Variants in DNAH14 observed in about 807,000 individuals in gnomAD.
DNAH14 encodes axonemal beta dynein heavy chain 14.
DNAH14 carries 478 observed loss-of-function variants against 520.9 expected under a neutral mutation model. That is an observed-to-expected ratio of 0.92 (90% CI 0.85 to 0.99). DNAH14 has a LOEUF of 0.99. Among genes scored for constraint, DNAH14 ranks in the 50% least tolerant of loss-of-function variants. DNAH14 has a pLI of 0.00. For missense variants in DNAH14, 4,831 were observed against 5,234.5 expected (o/e 0.92, Z 2.38); for synonymous variants, 1,581 against 1,757.2 (o/e 0.90, Z 2.51).
At chr1:225,049,543 A>AT (rs755344423) in intron 15 of DNAH14, among the ~76,000 whole-genome samples, 1 of 152,026 alleles carries the variant, frequency 6.6e-6, no homozygotes, top group African/African-American at 2.4e-5. Context: ...CTTACTTTTG[A>AT]TAAAGTACAG....
In DNAH14 at chr1:225,175,368, G is replaced by C. The variant is rs74521302; in HGVS notation, c.5535+7340G>C. The stretch of plus-strand genomic sequence containing the variant: ...TTTCTTTTCTTCGTAATTCAATCTT[G>C]ATAAGTTGTATGTGTCCAGCAATAT... On this transcript the variant is annotated intron_variant, in intron 36 of 85. Coordinates refer to ENST00000682510, the MANE Select transcript of DNAH14 (RefSeq NM_001367479.1). 5.0e-3 allele frequency among the ~76,000 whole-genome samples: 760 copies of C among 152,144 alleles called. 6 individuals are homozygous for C. The highest frequency in any genetic ancestry group is 0.017 in the African/African-American group (717 of 41,522).
In DNAH14 at chr1:225,273,260, T is replaced by G. The variant is rs2093362017; in HGVS notation, c.8010+135T>G. 7 of 980,084 alleles carry G rather than the reference T, an allele frequency of 7.1e-6. No individual in the cohort carries two copies. In the South Asian group the frequency reaches 1.3e-4, roughly 18 times the overall value. 60.7% of individuals were successfully genotyped at this position (980,084 alleles called of 1,614,324 possible). A position where few individuals can be genotyped will look rare whatever the true frequency, so the allele number is the denominator to read the frequency against. The stretch of plus-strand genomic sequence containing the variant: ...ATCCTGGCTAACACGTGAAACCCCG[T>G]GTCTACTAAAAATACAAAAAAATTA... On this transcript the variant is annotated intron_variant, in intron 52 of 85. Coordinates refer to ENST00000682510, the MANE Select transcript of DNAH14 (RefSeq NM_001367479.1).
intron 71 of DNAH14, among the ~76,000 whole-genome samples, chr1:225,349,001 T>C (rs924613950): frequency 6.6e-6 from 1 of 152,100 alleles, no homozygotes; most frequent in Non-Finnish European, 1.5e-5. Context: ...TGAGACATAG[T>C]CTCACTGTCA....
chr1:225,335,589 A>ATGTATATACGCATACGTATATG (rs901097831), intron 66 of DNAH14, among the ~76,000 whole-genome samples: 2 of 149,044 alleles, frequency 1.3e-5, no homozygotes, highest in Non-Finnish European at 3.0e-5. Context: ...ATGTGCATAT[A>ATGTATATACGCATACGTATATG]TGTATATACG....
intron 72 of DNAH14, among the ~76,000 whole-genome samples, chr1:225,352,451 A>G (rs1398484881): frequency 6.6e-6 from 1 of 151,946 alleles, no homozygotes; most frequent in East Asian, 1.9e-4. Flanking sequence ...ATCCTTATAC[A>G]TTTTTCCTTT....
At chr1:225,018,593 C>G (rs778569285) in intron 10 of DNAH14, among the ~76,000 whole-genome samples, 9 of 152,128 alleles carry the variant, frequency 5.9e-5, no homozygotes, top group Non-Finnish European at 1.3e-4. Context: ...CCCCAAGACA[C>G]ATAGTCATCA....
intron 73 of DNAH14, chr1:225,357,772 A>G: frequency 1.4e-6 from 1 of 701,944 alleles, no homozygotes; most frequent in Non-Finnish European, 2.6e-6. Context: ...AAACAGGCAC[A>G]CTGACGTGTG....
chr1:225,091,993 G>A (rs2148663538), intron 21 of DNAH14, among the ~76,000 whole-genome samples: 1 of 152,148 alleles, frequency 6.6e-6, no homozygotes, highest in South Asian at 2.1e-4. Context: ...TTACATAATG[G>A]TAAAGGGTTC....
chr1:225,244,145 C>T (rs1460057420), intron 43 of DNAH14, among the ~76,000 whole-genome samples: 7 of 151,830 alleles, frequency 4.6e-5, no homozygotes, highest in East Asian at 1.9e-4. Flanking sequence ...TGATGGATTA[C>T]GTTTATTGAT....
rs1390573208 is a variant in DNAH14, at chr1:225,117,915, A to C, written c.4007A>C (p.Gln1336Pro). The C allele has an allele frequency of 1.3e-6, 2 of 1,551,012 alleles. No individual in the cohort carries two copies. Among genetic ancestry groups the C allele is most frequent in the East Asian group, 4.9e-5 (2 of 40,882 alleles). ...HLVKCFENIK[Q>P]LLIWKQDIGP... ...GTGAAATGCTTTGAAAATATAAAAC[A>C]ATTATTGATATGGAAACAAGACATT... Residue 1336 changes from glutamine to proline, a missense_variant, in exon 25 of 86, where the codon CAA becomes CCA. Gln to Pro is a moderately conservative substitution (Grantham distance 76). Coordinates refer to ENST00000682510, the MANE Select transcript of DNAH14 (RefSeq NM_001367479.1).
intron 1 of DNAH14, among the ~76,000 whole-genome samples, chr1:224,940,157 T>C (rs2059316539): frequency 6.6e-6 from 1 of 152,204 alleles, no homozygotes; most frequent in African/African-American, 2.4e-5. Context: ...CACATACTAT[T>C]CCATGTGGCT....
intron 15 of DNAH14, among the ~76,000 whole-genome samples, chr1:225,049,429 T>C (rs148183422): frequency 1.1e-3 from 172 of 152,290 alleles, no homozygotes; most frequent in African/African-American, 4.0e-3. Context: ...ATGCATACTC[T>C]GAATACAATT....
Position 225,380,236 on chromosome 1 carries a change from A to C in DNAH14, c.12794A>C (p.Lys4265Thr), listed in dbSNP as rs1475027356. 10 of 1,551,686 alleles carry C rather than the reference A, an allele frequency of 6.4e-6. No homozygotes were observed. The East Asian group carries it at 7.3e-5, about 11-fold the overall frequency. ...LLKRLPLTVE[K>T]EEIAVGTPST... ...AAGCGGCTGCCACTGACAGTGGAGA[A>C]AGAAGAAATTGCTGTTGGAACTCCA... is the stretch of plus-strand genomic sequence containing the variant. Residue 4265 changes from lysine to threonine, a missense_variant, in exon 80 of 86, where the codon AAA becomes ACA. Physicochemically the swap from Lys to Thr is moderately conservative, Grantham distance 78. Coordinates refer to ENST00000682510, the MANE Select transcript of DNAH14 (RefSeq NM_001367479.1).
In DNAH14 at chr1:225,232,932, A is replaced by G. The variant is rs182520151; in HGVS notation, c.6518+1781A>G. ...GTATTAAGCCCAGCATTCATTAGCT[A>G]TTTTTCCTGATGCCCTTCCTCCCCT... On this transcript the variant is annotated intron_variant, in intron 42 of 85. Transcript: ENST00000682510. This position sits in a 1 kb window ranked among gnomAD's most constrained non-coding sequence, Gnocchi z 4.2. Among the ~76,000 whole-genome samples, 685 of 152,048 alleles carry G rather than the reference A, an allele frequency of 4.5e-3. 4 individuals are homozygous for G. The highest frequency in any genetic ancestry group is 0.016 in the African/African-American group (653 of 41,456).
Position 224,955,115 on chromosome 1 carries a change from C to T in DNAH14, c.217+17C>T, listed in dbSNP as rs369547604. On this transcript the variant is annotated intron_variant, in intron 3 of 85. Coordinates refer to ENST00000682510, the MANE Select transcript of DNAH14 (RefSeq NM_001367479.1). Reference sequence around the variant, plus strand: ...AAACAGAAGGTATTTATCAAGATTACTATTCTGGCATGTTGATTTATATTT... The same window carrying T: ...AAACAGAAGGTATTTATCAAGATTATTATTCTGGCATGTTGATTTATATTT... 1.8e-5 allele frequency: 29 copies of T among 1,603,634 alleles called. No individual in the cohort carries two copies. In the African/African-American group the frequency reaches 3.2e-4, roughly 18 times the overall value.
Position 225,159,505 on chromosome 1 carries a change from T to C in DNAH14, c.5445+20T>C. ...TTGGAGGTAAAAAGACCTTTGAAAA[T>C]CATCACCAATTATTTGGATGTGGAA... On this transcript the variant is annotated intron_variant, in intron 35 of 85. Transcript: ENST00000682510. 4 of 1,490,068 alleles carry C rather than the reference T, an allele frequency of 2.7e-6. No individual in the cohort carries two copies. In the South Asian group the frequency reaches 5.4e-5, roughly 20 times the overall value. The allele number at this position is 1,490,068 out of a possible 1,614,324, so 92.3% of individuals were successfully genotyped here.
chr1:225,021,263 A>G (rs1183078799), intron 10 of DNAH14, among the ~76,000 whole-genome samples: 1 of 151,988 alleles, frequency 6.6e-6, no homozygotes, highest in Non-Finnish European at 1.5e-5. Context: ...AACTCTTACC[A>G]CTCCTGTTAA....
chr1:225,173,971 T>G (rs1488307889), intron 36 of DNAH14, among the ~76,000 whole-genome samples: 1 of 152,176 alleles, frequency 6.6e-6, no homozygotes, highest in African/African-American at 2.4e-5. Context: ...GGGACATAGA[T>G]GAAGCTGGAA....
At position 225,170,227 on chromosome 1, in the gene DNAH14, C is replaced by T. The variant is rs149605431; in HGVS notation, c.5535+2199C>T. On this transcript the variant is annotated intron_variant, in intron 36 of 85. Transcript: ENST00000682510. ...CTGCATCAACTAACAAGCAAAATAA[C>T]CAGGTAACATCATAATAACAGCATC... 2.6e-3 allele frequency among the ~76,000 whole-genome samples: 395 copies of T among 152,242 alleles called. 5 individuals carry two copies. Among genetic ancestry groups the T allele is most frequent in the East Asian group, 0.022 (115 of 5,180 alleles).
Sources: allele counts gnomAD v4.1 joint callset (sites outside exome capture counted in the v4.1 genomes callset), GRCh38; gene constraint gnomAD v4.1.1; non-coding constraint Gnocchi (gnomAD v3.1); transcripts MANE v1.5; gene names NCBI Gene and HGNC (gene_info 2026-07-23, HGNC 2026-07-21).